BICRA: variants seen among roughly 807,000 people sequenced by gnomAD.
BICRA encodes BRD4 interacting chromatin remodeling complex associated protein.
BICRA carries 31 observed loss-of-function variants against 96.9 expected under a neutral mutation model. That is an observed-to-expected ratio of 0.32 (90% CI 0.24 to 0.43). BICRA has a LOEUF of 0.43. Among genes scored for constraint, BICRA ranks in the 20% least tolerant of loss-of-function variants. The probability of loss-of-function intolerance (pLI) is 1.00; values close to 1 mark genes in which losing one functional copy is unlikely to be tolerated. For missense variants in BICRA, 2,283 were observed against 2,190.3 expected (o/e 1.04, Z -0.84); for synonymous variants, 1,350 against 1,071.8 (o/e 1.26, Z -5.07).
rs775371257 is a variant in BICRA, at chr19:47,680,606, C to T, written c.1436C>T (p.Ala479Val). Residue 479 changes from alanine to valine, a missense_variant, in exon 6 of 15, where the codon GCG becomes GTG. Physicochemically the swap from Ala to Val is moderately conservative, Grantham distance 64 (BLOSUM62 0). Transcript: ENST00000594866. The stretch of plus-strand genomic sequence containing the variant: ...CAGTTCCTACTGCCTGGCGCCCCGG[C>T]GGTCCAGCTCCCGCAGCAGCTCTCA... ...QNQFLLPGAP[A>V]VQLPQQLSAL... The T allele has an allele frequency of 5.6e-6, 9 of 1,609,714 alleles. No homozygotes were observed. Among genetic ancestry groups the T allele is most frequent in the South Asian group, 1.1e-5 (1 of 90,850 alleles).
At chr19:47,611,320 G>A (rs1210772255) in intron 1 of BICRA, among the ~76,000 whole-genome samples, 1 of 152,076 alleles carries the variant, frequency 6.6e-6, no homozygotes, top group Non-Finnish European at 1.5e-5. Context: ...GATGCACCTC[G>A]AAGTTGGGCT....
chr19:47,667,634 G>A (rs1047733200), intron 1 of BICRA, among the ~76,000 whole-genome samples: 5 of 152,120 alleles, frequency 3.3e-5, no homozygotes, highest in Admixed American at 1.3e-4. Context: ...AGGGTCTTGC[G>A]ACATCTGCTT....
chr19:47,671,410 C>T (rs750576753), intron 2 of BICRA, among the ~76,000 whole-genome samples: 1 of 151,862 alleles, frequency 6.6e-6, no homozygotes, highest in African/African-American at 2.4e-5. Context: ...ACCCCCTACC[C>T]CAACAAAAAA....
rs746026451 is a variant in BICRA, at chr19:47,680,070, G to C, written c.900G>C (p.Thr300=). Residue 300 remains threonine, a synonymous_variant, in exon 6 of 15, where the codon ACG becomes ACC. Coordinates refer to ENST00000594866, the MANE Select transcript of BICRA (RefSeq NM_001394372.1). ...QKNLSAAVAT[T]LNGNSVFGGA... ...ACCTCTCGGCCGCTGTGGCCACCAC[G>C]CTCAATGGGAACTCTGTGTTCGGAG... 1.3e-6 allele frequency: 2 copies of C among 1,563,660 alleles called. No individual in the cohort carries two copies. Among genetic ancestry groups the C allele is most frequent in the East Asian group, 2.4e-5 (1 of 42,176 alleles).
intron 1 of BICRA, among the ~76,000 whole-genome samples, chr19:47,644,334 C>T (rs1344589616): frequency 6.6e-6 from 1 of 151,218 alleles, no homozygotes; most frequent in Non-Finnish European, 1.5e-5. Flanking sequence ...CCAGATTCAC[C>T]AACTTTTAAT....
chr19:47,618,810 T>C (rs1365751215), intron 1 of BICRA, among the ~76,000 whole-genome samples: 1 of 152,232 alleles, frequency 6.6e-6, no homozygotes, highest in East Asian at 1.9e-4. Context: ...CCTGGTGGCC[T>C]CTGCTGCCTG....
intron 1 of BICRA, among the ~76,000 whole-genome samples, chr19:47,664,894 C>T (rs1258911603): frequency 7.0e-6 from 1 of 143,066 alleles, no homozygotes; most frequent in Non-Finnish European, 1.5e-5. Context: ...AGAATCTTTC[C>T]GTAGGAGCAG....
At chr19:47,630,318 G>A (rs1451117157) in intron 1 of BICRA, among the ~76,000 whole-genome samples, 1 of 151,822 alleles carries the variant, frequency 6.6e-6, no homozygotes, top group Non-Finnish European at 1.5e-5. Context: ...CCGCCACCAC[G>A]CCTGGCTAAT....
rs559082828 is a variant in BICRA at position 47,643,130 on chromosome 19, C to T, written c.-107-27313C>T. Among the ~76,000 whole-genome samples the T allele has an allele frequency of 1.2e-4, 19 of 152,294 alleles. No individual in the cohort carries two copies. The East Asian group carries it at 1.9e-3, about 15-fold the overall frequency. On this transcript the variant is annotated intron_variant, in intron 1 of 14. Transcript: ENST00000594866. Reference sequence around the variant, plus strand: ...GATTACAGGCGCCCTCCACCATGCCCGGCTAATTTTTGTATTTTTTGTAAA... The same window carrying T: ...GATTACAGGCGCCCTCCACCATGCCTGGCTAATTTTTGTATTTTTTGTAAA...
chr19:47,702,303 C>A lies in BICRA; in HGVS notation c.4571C>A (p.Pro1524His). ...APGRTPAPSYPHAASAGTPAS... is the reference protein window; with the variant it reads ...APGRTPAPSYHHAASAGTPAS... Reference sequence around the variant, plus strand: ...GGCCGGACGCCCGCGCCCTCGTACCCCCACGCTGCCTCGGCCGGCACCCCC... The same window carrying A: ...GGCCGGACGCCCGCGCCCTCGTACCACCACGCTGCCTCGGCCGGCACCCCC... Residue 1524 changes from proline (P) to histidine (H), a missense_variant, in exon 15 of 15, where the codon CCC (proline) becomes CAC (histidine). Pro to His is a moderately conservative substitution (Grantham distance 77, BLOSUM62 -2). Coordinates refer to ENST00000594866, the MANE Select transcript of BICRA (RefSeq NM_001394372.1). The A allele has an allele frequency of 6.3e-7, 1 of 1,583,086 alleles. No homozygotes were observed.
intron 1 of BICRA, among the ~76,000 whole-genome samples, chr19:47,669,058 C>T (rs1029838982): frequency 2.0e-5 from 3 of 151,786 alleles, no homozygotes; most frequent in South Asian, 2.1e-4. Context: ...GAGCCGAGAT[C>T]GCATCACTGC....
chr19:47,632,723 C>T (rs567335070), intron 1 of BICRA, among the ~76,000 whole-genome samples: 3 of 152,224 alleles, frequency 2.0e-5, no homozygotes, highest in Non-Finnish European at 2.9e-5. Context: ...CTTAAGGATC[C>T]GGGTTGTCAT....
chr19:47,695,342 T>TCA, intron 9 of BICRA, 23 bp from the exon 10 acceptor site: 10 of 630,174 alleles, frequency 1.6e-5, no homozygotes, highest in South Asian at 9.7e-5. Context: ...AGGCCCTGTC[T>TCA]CCCCCACCCC....
chr19:47,614,664 A>G (rs1971958070), intron 1 of BICRA, among the ~76,000 whole-genome samples: 1 of 152,114 alleles, frequency 6.6e-6, no homozygotes, highest in African/African-American at 2.4e-5. Flanking sequence ...TTCATCTTAC[A>G]CAGATGGTAG....
At chr19:47,688,953 A>C (rs1214012640) in intron 7 of BICRA, among the ~76,000 whole-genome samples, 2 of 151,868 alleles carry the variant, frequency 1.3e-5, no homozygotes, top group Admixed American at 1.3e-4. Flanking sequence ...CAGCCTCCCA[A>C]GTAACTTGGA....
intron 1 of BICRA, among the ~76,000 whole-genome samples, chr19:47,655,559 G>A (rs1458171902): frequency 7.2e-6 from 1 of 138,394 alleles, no homozygotes; most frequent in Non-Finnish European, 1.6e-5. Flanking sequence ...TTAGTAAAAT[G>A]TCCCCGGTTT....
At chr19:47,658,501 G>A (rs1222952611) in intron 1 of BICRA, among the ~76,000 whole-genome samples, 2 of 152,020 alleles carry the variant, frequency 1.3e-5, no homozygotes, top group African/African-American at 2.4e-5. Flanking sequence ...GCGTGGTGGC[G>A]AGTGCCTATA....
At chr19:47,672,058 AGGATGGAGGGATGGGTGGAT>A (rs1972872990) in intron 2 of BICRA, among the ~76,000 whole-genome samples, 1 of 134,700 alleles carries the variant, frequency 7.4e-6, no homozygotes, top group East Asian at 2.5e-4. Flanking sequence ...GATGGATGGA[AGGATGGAGGGATGGGTGGAT>A]GGATGGAGGG....
At position 47,694,103 on chromosome 19, in the gene BICRA, TC is replaced by T; in HGVS notation, c.2284-8del. On this transcript the variant is annotated splice_polypyrimidine_tract_variant and intron_variant, in intron 7 of 14. Transcript: ENST00000594866. ...CCCCCGCCCCTCCCCTCTCCCTCCCTCCCCTGCCCAGATCCCGGCAGCGGCT... is the reference window on the plus strand; with the variant it reads ...CCCCCGCCCCTCCCCTCTCCCTCCCTCCCTGCCCAGATCCCGGCAGCGGCT... 1.1e-5 allele frequency: 5 copies of T among 436,156 alleles called. No individual in the cohort carries two copies. The highest frequency in any genetic ancestry group is 1.4e-5 in the Non-Finnish European group (5 of 364,598). The allele number at this position is 436,156 out of a possible 1,614,324, so 27.0% of individuals were successfully genotyped here.
Sources: gnomAD v4.1 joint callset for allele counts (sites outside exome capture counted in the v4.1 genomes callset) on GRCh38, gnomAD v4.1.1 for gene constraint, MANE v1.5 for transcripts, NCBI Gene and HGNC (gene_info 2026-07-23, HGNC 2026-07-21) for gene names.